Variants in TCF25 observed in about 807,000 individuals in gnomAD.
TCF25 encodes TCF25 ribosome quality control complex subunit, also known as ribosome quality control complex subunit TCF25.
In TCF25, 41 loss-of-function variants were observed where a neutral mutation model predicts 83.1. That is an observed-to-expected ratio of 0.49 (90% CI 0.38 to 0.64). The LOEUF (loss-of-function observed/expected upper bound fraction) is 0.64. TCF25 is among the 30% of genes least tolerant of loss of function. TCF25 has a pLI of 0.00. For missense variants in TCF25, 979 were observed against 914.5 expected, an observed-to-expected ratio of 1.07 and a Z score of -0.91; for synonymous variants, 458 against 365.0, an observed-to-expected ratio of 1.25 and a Z score of -2.90.
intron 12 of TCF25, 108 bp downstream of exon 12, chr16:89,900,902 G>A: frequency 7.9e-7 from 1 of 1,262,260 alleles, no homozygotes; most frequent in Non-Finnish European, 1.0e-6. Context: ...CACACTTGTA[G>A]AAACATGCAT....
At chr16:89,906,171 G>A (rs573045266) in intron 14 of TCF25, 23 bp from the exon 15 acceptor site, 4 of 1,607,914 alleles carry the variant, frequency 2.5e-6, no homozygotes, top group East Asian at 2.2e-5. Context: ...TATCTGCTGT[G>A]CCTTGTTTCT....
Position 89,887,663 on chromosome 16 carries a change from C to G in TCF25, c.560C>G (p.Pro187Arg), listed in dbSNP as rs1259947991. 4 of 1,591,760 alleles carry G rather than the reference C, an allele frequency of 2.5e-6. No individual in the cohort carries two copies. Among genetic ancestry groups the G allele is most frequent in the Non-Finnish European group, 3.4e-6 (4 of 1,172,794 alleles). ...TTTCAATTCCCCAGACACTTGAATCCAGACACAGAACTGAAAAGGTATTTT... is the reference window on the plus strand; with the variant it reads ...TTTCAATTCCCCAGACACTTGAATCGAGACACAGAACTGAAAAGGTATTTT... Reference protein sequence around the residue: ...VLYVEHRHLNPDTELKRYFGA... With the variant: ...VLYVEHRHLNRDTELKRYFGA... The change falls in exon 5 of 18, where the codon CCA becomes CGA. Residue 187 changes from proline to arginine, a missense_variant. Transcript: ENST00000263346.
chr16:89,875,513 G>GTTTT (rs1193815042), intron 1 of TCF25, among the ~76,000 whole-genome samples: 6 of 66,010 alleles, frequency 9.1e-5, no homozygotes, highest in Non-Finnish European at 1.3e-4. Context: ...CCTGACGTGA[G>GTTTT]TTTTTTTTTT....
At chr16:89,895,891 C>A in intron 8 of TCF25, 99 bp from the exon 9 acceptor site, 1 of 1,132,378 alleles carries the variant, frequency 8.8e-7, no homozygotes, top group South Asian at 1.4e-5. Context: ...GTTTCGTGAC[C>A]TTCCGTCCAG....
chr16:89,904,568 A>G (rs759995252), intron 13 of TCF25: 8 of 485,980 alleles, frequency 1.6e-5, no homozygotes, highest in Non-Finnish European at 3.0e-5. Flanking sequence ...TGATGGTGAG[A>G]CCCCGTCTCA....
Position 89,873,691 on chromosome 16 carries a change from G to A in TCF25, c.24G>A (p.Arg8=), listed in dbSNP as rs1940260178. 1.2e-6 allele frequency: 2 copies of A among 1,606,858 alleles called. No individual in the cohort carries two copies. The highest frequency in any genetic ancestry group is 1.7e-6 in the Non-Finnish European group (2 of 1,177,954). The change falls in exon 1 of 18, where the codon AGG becomes AGA. Residue 8 remains arginine (R), a synonymous_variant. Transcript: ENST00000263346. ...CTATGTCGCGCCGGGCCCTCCGGAG[G>A]CTGAGGGGGGAACAGCGCGGCCAGG... is the stretch of plus-strand genomic sequence containing the variant. The part of the protein sequence containing the change: MSRRALR[R]LRGEQRGQEP...
intron 14 of TCF25, among the ~76,000 whole-genome samples, chr16:89,905,410 A>C (rs1026255156): frequency 2.0e-5 from 3 of 152,188 alleles, no homozygotes; most frequent in African/African-American, 7.2e-5. Context: ...TCACAGCAGC[A>C]TCTTGGGAGT....
intron 6 of TCF25, among the ~76,000 whole-genome samples, chr16:89,892,823 G>T (rs1160451749): frequency 6.6e-6 from 1 of 152,180 alleles, no homozygotes; most frequent in South Asian, 2.1e-4. Flanking sequence ...TGAACTGTGG[G>T]GGCCCTCAGG....
chr16:89,876,993 T>G (rs1597252076), intron 1 of TCF25, among the ~76,000 whole-genome samples: 1 of 150,610 alleles, frequency 6.6e-6, no homozygotes, highest in Admixed American at 6.6e-5. Flanking sequence ...TCCCAGCTAC[T>G]TGGGAGGCTG....
intron 9 of TCF25, 36 bp downstream of exon 9, chr16:89,896,119 C>T (rs767268691): frequency 9.4e-6 from 15 of 1,590,986 alleles, no homozygotes; most frequent in Non-Finnish European, 1.3e-5. Flanking sequence ...CGCAGCTCCC[C>T]TTCCCTTCTC....
At chr16:89,892,090 C>T in intron 5 of TCF25, 103 bp from the exon 6 acceptor site, 3 of 1,113,990 alleles carry the variant, frequency 2.7e-6, no homozygotes, top group East Asian at 2.9e-5. Context: ...CCTTCTCTGC[C>T]CCTCAGTTTT....
chr16:89,901,554 A>G (rs375807499), intron 12 of TCF25, among the ~76,000 whole-genome samples: 1,587 of 126,906 alleles, frequency 0.013, 22 homozygotes, highest in African/African-American at 0.043. Context: ...GACCATCCTG[A>G]CTAACACGGT....
chr16:89,907,354 GCTCCCAC>G (rs2044889642), intron 16 of TCF25, 32 bp downstream of exon 16: 18 of 1,354,484 alleles, frequency 1.3e-5, no homozygotes, highest in East Asian at 2.6e-5. Context: ...CCACCTCCCA[GCTCCCAC>G]CTCCCTCCTC....
Position 89,893,817 on chromosome 16 carries a change from T to C in TCF25, c.787T>C (p.Phe263Leu). Residue 263 changes from phenylalanine to leucine, a missense_variant, in exon 7 of 18, where the codon TTC (phenylalanine) becomes CTC (leucine). Transcript: ENST00000263346. ...GGAGTACCAGCAGGCTCAGCACAAG[T>C]TCCTGGTGGCCGTGGAGTCTATGGA... Reference protein sequence around the residue: ...SEEYQQAQHKFLVAVESMEPN... With the variant: ...SEEYQQAQHKLLVAVESMEPN... 3 of 1,612,120 alleles carry C rather than the reference T, an allele frequency of 1.9e-6. No individual in the cohort carries two copies. Among genetic ancestry groups the C allele is most frequent in the South Asian group, 2.2e-5 (2 of 90,632 alleles).
intron 15 of TCF25, among the ~76,000 whole-genome samples, chr16:89,906,861 T>C (rs1365191233): frequency 2.0e-5 from 3 of 152,126 alleles, no homozygotes; most frequent in Non-Finnish European, 4.4e-5. Context: ...TGGCAGCACG[T>C]GGCACTGTGC....
intron 1 of TCF25, among the ~76,000 whole-genome samples, chr16:89,875,820 CTTTTTTTTTTTTTTTTTTT>C (rs1164528945): frequency 5.1e-4 from 33 of 64,862 alleles, no homozygotes; most frequent in African/African-American, 1.9e-3. Flanking sequence ...CTGCGCCTGG[CTTTTTTTTTTTTTTTTTTT>C]TTTTTTTTTG....
intron 15 of TCF25, 46 bp from the exon 16 acceptor site, chr16:89,907,197 C>G (rs763938069): frequency 1.3e-5 from 20 of 1,594,372 alleles, no homozygotes; most frequent in African/African-American, 2.7e-5. Context: ...GGTAGAGGCC[C>G]CCTGGCAGCA....
chr16:89,891,296 C>T (rs2043407517), intron 5 of TCF25, among the ~76,000 whole-genome samples: 1 of 152,228 alleles, frequency 6.6e-6, no homozygotes. Context: ...GAAGGGCTGA[C>T]TCTCCTAGGC....
chr16:89,888,690 T>G (rs2043195670), intron 5 of TCF25, among the ~76,000 whole-genome samples: 1 of 151,056 alleles, frequency 6.6e-6, no homozygotes, highest in Non-Finnish European at 1.5e-5. Context: ...TTTTTTTTTT[T>G]TTTTGAGGCA....
Sources: allele counts gnomAD v4.1 joint callset (sites outside exome capture counted in the v4.1 genomes callset), GRCh38; gene constraint gnomAD v4.1.1; transcripts MANE v1.5; gene names NCBI Gene and HGNC (gene_info 2026-07-23, HGNC 2026-07-21).